The following GNA15 variants were observed in gnomAD, a reference collection of about 807,000 sequenced individuals.
GNA15 encodes the protein guanine nucleotide-binding protein subunit alpha-15.
A neutral mutation model predicts 40.1 loss-of-function variants in GNA15; 23 were observed. The ratio of observed to expected loss-of-function variants is 0.57; its 90% CI spans 0.41 to 0.81. GNA15 has a LOEUF of 0.81. Among genes scored for constraint, GNA15 ranks in the 40% least tolerant of loss-of-function variants. GNA15 has a pLI of 0.00. For synonymous variants in GNA15, 226 were observed against 210.4 expected (o/e 1.07, Z -0.64); for missense variants, 522 against 515.8 (o/e 1.01, Z -0.12).
chr19:3,159,173 C>T (rs112705150), intron 6 of GNA15, among the ~76,000 whole-genome samples: 11,073 of 147,112 alleles, frequency 0.075, 565 homozygotes, highest in Non-Finnish European at 0.11. Context: ...TACAGGTGCC[C>T]GCCAGAACGT....
At chr19:3,157,119 T>G (rs968540861) in intron 5 of GNA15, among the ~76,000 whole-genome samples, 4 of 152,052 alleles carry the variant, frequency 2.6e-5, no homozygotes. Context: ...TGCCTCAGCC[T>G]CCCGAGTAGC....
At chr19:3,141,834 G>A (rs1002458698) in intron 1 of GNA15, 8 of 152,538 alleles carry the variant, frequency 5.2e-5, no homozygotes, top group African/African-American at 1.9e-4. Context: ...CCATGCTCCT[G>A]ACTGCCCTGT....
chr19:3,154,193 GTGGATGGA>G (rs1914950935), intron 4 of GNA15, among the ~76,000 whole-genome samples: 1 of 137,262 alleles, frequency 7.3e-6, no homozygotes, highest in South Asian at 2.4e-4. Context: ...GGATGAATGG[GTGGATGGA>G]TGGGTGGATG....
chr19:3,162,437 A>G (rs1254910758), intron 6 of GNA15, among the ~76,000 whole-genome samples: 3 of 151,642 alleles, frequency 2.0e-5, no homozygotes, highest in Non-Finnish European at 4.4e-5. Flanking sequence ...TGATGCCGCC[A>G]TCTTCACAGT....
At position 3,151,602 on chromosome 19, in the gene GNA15, G is replaced by A; in HGVS notation, c.486-105G>A. ...CTCCAGGGACCCCACCTCCACCCAG[G>A]GAGCTCTCCTCCCCCAGCAGGGTCC... On this transcript the variant is annotated intron_variant, in intron 3 of 6. Transcript: ENST00000262958. This position sits in a 1 kb window ranked among gnomAD's most constrained non-coding sequence, Gnocchi z 5.0. 1 of 1,345,924 alleles carries A rather than the reference G, an allele frequency of 7.4e-7. No individual in the cohort carries two copies. The highest frequency in any genetic ancestry group is 9.9e-7 in the Non-Finnish European group (1 of 1,007,460). The allele number at this position is 1,345,924 out of a possible 1,614,324, so 83.4% of individuals were successfully genotyped here.
Position 3,155,943 on chromosome 19 carries a change from C to T in GNA15, c.735C>T (p.Asn245=), listed in dbSNP as rs1486756631. The change falls in exon 5 of 7, where the codon AAC becomes AAT. Residue 245 remains asparagine, a synonymous_variant. Coordinates refer to ENST00000262958, the MANE Select transcript of GNA15 (RefSeq NM_002068.4). The surrounding 1 kb of genome is among the most constrained non-coding windows in gnomAD (Gnocchi z 5.6). ...LSEYDQCLEE[N]NQENRMKESL... ...AATACGACCAGTGCCTGGAGGAGAA[C>T]AACCAGGAGGTGCGCCACCGCCTCC... The T allele has an allele frequency of 3.1e-6, 5 of 1,613,816 alleles. No homozygotes were observed. The highest frequency in any genetic ancestry group is 1.7e-6 in the Non-Finnish European group (2 of 1,179,844).
intron 1 of GNA15, among the ~76,000 whole-genome samples, chr19:3,144,127 C>CAAAAA (rs367866195): frequency 3.2e-5 from 4 of 124,876 alleles, no homozygotes; most frequent in Non-Finnish European, 1.7e-5. Flanking sequence ...GACTCCCTCT[C>CAAAAA]AAAAAAAAAA....
intron 1 of GNA15, chr19:3,142,071 C>T (rs1429139191): frequency 6.6e-6 from 1 of 152,388 alleles, no homozygotes; most frequent in East Asian, 1.9e-4. Flanking sequence ...ACATAGCTGG[C>T]TCCAGTTGCC....
chr19:3,148,522 C>A, intron 1 of GNA15, 69 bp from the exon 2 acceptor site: 1 of 1,362,368 alleles, frequency 7.3e-7, no homozygotes, highest in South Asian at 1.4e-5. Context: ...GGGTGTCTGA[C>A]GTGGGGTTGG....
rs1914454231 is a variant in GNA15, at chr19:3,136,224, C to T, written c.-227C>T. The T allele has an allele frequency of 1.9e-6, 1 of 512,942 alleles. No individual in the cohort carries two copies. The allele number at this position is 512,942 out of a possible 1,614,324, so 31.8% of individuals were successfully genotyped here. A position where few individuals can be genotyped will look rare whatever the true frequency, so the allele number is the denominator to read the frequency against. ...CCCTGGCCTCCCCACCTCCTCCCGT[C>T]CCCACCCTGTTCCCAGCACTCAAGC... On this transcript the variant is annotated 5_prime_UTR_variant, in exon 1 of 7. Transcript: ENST00000262958. The surrounding 1 kb of genome is among the most constrained non-coding windows in gnomAD (Gnocchi z 4.9).
At chr19:3,162,723 G>T in intron 6 of GNA15, 70 bp from the exon 7 acceptor site, 3 of 964,626 alleles carry the variant, frequency 3.1e-6, no homozygotes, top group East Asian at 5.0e-5. Context: ...TTACAGGGAA[G>T]AGGGTCTCCA....
chr19:3,143,773 T>C (rs1203298521), intron 1 of GNA15, among the ~76,000 whole-genome samples: 3 of 151,926 alleles, frequency 2.0e-5, no homozygotes, highest in Non-Finnish European at 2.9e-5. Flanking sequence ...CCCACAGCAA[T>C]TCCCTCAACG....
chr19:3,136,949 C>T lies in GNA15; in HGVS notation c.145+354C>T, dbSNP rs779974497. Among the ~76,000 whole-genome samples, 14 of 152,336 alleles carry T rather than the reference C, an allele frequency of 9.2e-5. No individual in the cohort carries two copies. Among genetic ancestry groups the T allele is most frequent in the East Asian group, 1.9e-4 (1 of 5,160 alleles). On this transcript the variant is annotated intron_variant, in intron 1 of 6. Transcript: ENST00000262958. This position sits in a 1 kb window ranked among gnomAD's most constrained non-coding sequence, Gnocchi z 4.9. ...GAATGATGAGCTCAGGTGTGCAACC[C>T]GTTCTGGCCAGCCCACCCGTAAGGG...
rs1246435230 is a variant in GNA15, at chr19:3,148,659, G to C, written c.214G>C (p.Glu72Gln). Residue 72 changes from glutamate to glutamine, a missense_variant, in exon 2 of 7, where the codon GAG becomes CAG. By Grantham distance (29) the Glu-to-Gln change is conservative (BLOSUM62 2). Coordinates refer to ENST00000262958, the MANE Select transcript of GNA15 (RefSeq NM_002068.4). ...GATCATCCACGGCGCCGGCTACTCG[G>C]AGGAGGAGCGCAAGGGCTTCCGGCC... Reference protein sequence around the residue: ...MRIIHGAGYSEEERKGFRPLV... With the variant: ...MRIIHGAGYSQEERKGFRPLV... The C allele has an allele frequency of 4.4e-6, 7 of 1,591,500 alleles. No individual in the cohort carries two copies. In the South Asian group the frequency reaches 6.8e-5, roughly 15 times the overall value.
intron 5 of GNA15, 36 bp from the exon 6 acceptor site, chr19:3,157,692 G>A (rs1463353554): frequency 1.3e-6 from 2 of 1,598,480 alleles, no homozygotes; most frequent in South Asian, 1.1e-5. Flanking sequence ...CCACCTGGCT[G>A]GTTGAAGCAC....
chr19:3,151,726 C>T lies in GNA15; in HGVS notation c.505C>T (p.Arg169Cys), dbSNP rs199847220. 127 of 1,604,074 alleles carry T rather than the reference C, an allele frequency of 7.9e-5. No individual in the cohort carries two copies. The highest frequency in any genetic ancestry group is 1.0e-4 in the Non-Finnish European group (119 of 1,175,746). ...CTGCAGCTACCTGTCCCACCTGGAG[C>T]GCATCACCGAGGAGGGCTACGTCCC... ...SAVYYLSHLE[R>C]ITEEGYVPTA... The change falls in exon 4 of 7, where the codon CGC becomes TGC. Residue 169 changes from arginine (R) to cysteine (C), a missense_variant. Coordinates refer to ENST00000262958, the MANE Select transcript of GNA15 (RefSeq NM_002068.4). The surrounding 1 kb of genome is among the most constrained non-coding windows in gnomAD (Gnocchi z 5.0).
At chr19:3,158,715 C>T (rs11882084) in intron 6 of GNA15, among the ~76,000 whole-genome samples, 6 of 152,008 alleles carry the variant, frequency 3.9e-5, no homozygotes, top group African/African-American at 9.6e-5. Flanking sequence ...TCCAACTCCC[C>T]GGTTCAAGTG....
intron 1 of GNA15, among the ~76,000 whole-genome samples, chr19:3,147,193 C>G (rs554703427): frequency 6.6e-6 from 1 of 152,244 alleles, no homozygotes; most frequent in African/African-American, 2.4e-5. Context: ...TTATTTCTTT[C>G]GTAAAAGTTT....
intron 1 of GNA15, among the ~76,000 whole-genome samples, chr19:3,145,355 A>ATTTTT (rs1374760162): frequency 8.2e-5 from 3 of 36,372 alleles, no homozygotes; most frequent in Admixed American, 2.6e-4. Context: ...ATATATATAT[A>ATTTTT]TATATTTTTT....
Sources: allele counts gnomAD v4.1 joint callset (sites outside exome capture counted in the v4.1 genomes callset), GRCh38; gene constraint gnomAD v4.1.1; non-coding constraint Gnocchi (gnomAD v3.1); transcripts MANE v1.5; gene names NCBI Gene and HGNC (gene_info 2026-07-23, HGNC 2026-07-21).